PRKN: variants seen among roughly 807,000 people sequenced by gnomAD.
PRKN encodes the protein parkin RBR E3 ubiquitin protein ligase.
Under a neutral mutation model 59.5 loss-of-function variants are expected in PRKN, and 56 were observed. The ratio of observed to expected loss-of-function variants is 0.94; its 90% CI spans 0.76 to 1.18. The LOEUF (loss-of-function observed/expected upper bound fraction) is 1.18. Among genes scored for constraint, PRKN ranks in the 50% most tolerant of loss-of-function variants. The pLI is 0.00. For synonymous variants in PRKN, 250 were observed against 222.1 expected, an observed-to-expected ratio of 1.13 and a Z score of -1.12; for missense variants, 657 against 596.4, an observed-to-expected ratio of 1.10 and a Z score of -1.06.
chr6:161,808,886 G>T (rs916554065), intron 6 of PRKN, among the ~76,000 whole-genome samples: 6 of 152,152 alleles, frequency 3.9e-5, no homozygotes, highest in Non-Finnish European at 8.8e-5. Flanking sequence ...TGTTGCTGAG[G>T]CTGGAGCGCG....
chr6:161,743,529 A>G (rs1788286033), intron 7 of PRKN, among the ~76,000 whole-genome samples: 1 of 151,790 alleles, frequency 6.6e-6, no homozygotes, highest in African/African-American at 2.4e-5. Context: ...GATTACAGGC[A>G]CGAGCCACTG....
intron 2 of PRKN, among the ~76,000 whole-genome samples, chr6:162,373,421 T>A (rs1481296036): frequency 6.6e-6 from 1 of 152,184 alleles, no homozygotes; most frequent in African/African-American, 2.4e-5. Flanking sequence ...GACCTGTTAT[T>A]TGACATTTCT....
Position 162,367,547 on chromosome 6 carries a change from C to A in PRKN, c.171+75763G>T, listed in dbSNP as rs188528847. Among the ~76,000 whole-genome samples the A allele has an allele frequency of 7.5e-3, 1,140 of 152,172 alleles. 4 individuals are homozygous for A. Among genetic ancestry groups the A allele is most frequent in the Non-Finnish European group, 0.011 (767 of 68,000 alleles). ...TGAAAACCCATGCTCATAAAATCTCCAGGACCATCTCTGATTTCATTCACA... is the reference window on the plus strand; with the variant it reads ...TGAAAACCCATGCTCATAAAATCTCAAGGACCATCTCTGATTTCATTCACA... On this transcript the variant is annotated intron_variant, in intron 2 of 11. Coordinates refer to ENST00000366898, the MANE Select transcript of PRKN (RefSeq NM_004562.3).
intron 2 of PRKN, among the ~76,000 whole-genome samples, chr6:162,314,576 T>C (rs146795934): frequency 0.013 from 1,974 of 152,206 alleles, 19 homozygotes; most frequent in Non-Finnish European, 0.021. Context: ...CCCTAGGTTC[T>C]CTCAGGGAAC....
At chr6:161,929,154 A>T (rs747217028) in intron 6 of PRKN, among the ~76,000 whole-genome samples, 3 of 152,208 alleles carry the variant, frequency 2.0e-5, no homozygotes, top group African/African-American at 4.8e-5. Context: ...GTAATAAAGG[A>T]TTTCTATATA....
At chr6:161,389,502 C>T (rs189853579) in intron 9 of PRKN, among the ~76,000 whole-genome samples, 13 of 152,324 alleles carry the variant, frequency 8.5e-5, no homozygotes, top group African/African-American at 2.9e-4. Flanking sequence ...CGTCCTTACA[C>T]AAATCACCAA....
At chr6:162,569,476 C>A in intron 1 of PRKN, 1 of 688,092 alleles carries the variant, frequency 1.5e-6, no homozygotes, top group South Asian at 1.4e-5. Context: ...GTGAGGAGAG[C>A]CACCTGGAGT....
chr6:162,234,208 CAGAG>C (rs1034869272), intron 3 of PRKN, among the ~76,000 whole-genome samples: 1 of 152,102 alleles, frequency 6.6e-6, no homozygotes, highest in Non-Finnish European at 1.5e-5. Context: ...GTTTTGGACT[CAGAG>C]GGAGAATGCC....
intron 7 of PRKN, among the ~76,000 whole-genome samples, chr6:161,779,449 T>TTTTTTTTTTTTTTTTTTTTTG: frequency 1.0e-5 from 1 of 96,578 alleles, no homozygotes; most frequent in African/African-American, 3.9e-5. Flanking sequence ...TCTTTTTTTT[T>TTTTTTTTTTTTTTTTTTTTTG]TTTTTTTTTT....
At chr6:162,659,766 CATT>C (rs1778808365) in intron 1 of PRKN, among the ~76,000 whole-genome samples, 2 of 152,058 alleles carry the variant, frequency 1.3e-5, no homozygotes, top group African/African-American at 2.4e-5. Context: ...TAAAAAATTA[CATT>C]ATTATATTTT....
chr6:161,515,001 G>A (rs1027551098), intron 9 of PRKN, among the ~76,000 whole-genome samples: 2 of 151,234 alleles, frequency 1.3e-5, no homozygotes, highest in African/African-American at 4.9e-5. Flanking sequence ...TGGGCCAGGG[G>A]GAATATCTTC....
intron 7 of PRKN, among the ~76,000 whole-genome samples, chr6:161,723,268 C>CAA (rs922966591): frequency 1.8e-4 from 23 of 126,862 alleles, no homozygotes; most frequent in Middle Eastern, 3.6e-3. Flanking sequence ...GACTCCCTCT[C>CAA]AAAAAAAAAA....
At chr6:162,224,008 G>T (rs1033029710) in intron 3 of PRKN, among the ~76,000 whole-genome samples, 1 of 152,128 alleles carries the variant, frequency 6.6e-6, no homozygotes, top group Non-Finnish European at 1.5e-5. Context: ...AGTCACTCAA[G>T]CTCCTGGTTG....
intron 1 of PRKN, among the ~76,000 whole-genome samples, chr6:162,606,667 G>C (rs571897619): frequency 6.6e-6 from 1 of 152,276 alleles, no homozygotes; most frequent in South Asian, 2.1e-4. Context: ...ATATTGACAT[G>C]AGGAAGAGAG....
rs568548340 is a variant in PRKN, at chr6:162,192,016, C to T, written c.534+9115G>A. Among the ~76,000 whole-genome samples the T allele has an allele frequency of 1.6e-4, 25 of 152,242 alleles. No homozygotes were observed. The South Asian group carries it at 3.3e-3, about 20-fold the overall frequency. ...ACATGATACATACATGTAACTACAACGTAAAATGAAACAATAAGACATATG... is the reference window on the plus strand; with the variant it reads ...ACATGATACATACATGTAACTACAATGTAAAATGAAACAATAAGACATATG... On this transcript the variant is annotated intron_variant, in intron 4 of 11. Coordinates refer to ENST00000366898, the MANE Select transcript of PRKN (RefSeq NM_004562.3).
intron 6 of PRKN, among the ~76,000 whole-genome samples, chr6:161,818,124 T>G (rs910324259): frequency 1.6e-4 from 25 of 152,020 alleles, no homozygotes; most frequent in Admixed American, 5.2e-4. Flanking sequence ...CTAATTAGAT[T>G]GGGTAGGGGG....
intron 7 of PRKN, among the ~76,000 whole-genome samples, chr6:161,643,028 T>A (rs1227390230): frequency 6.6e-6 from 1 of 152,218 alleles, no homozygotes; most frequent in Non-Finnish European, 1.5e-5. Context: ...ACAGTAACAA[T>A]GCAATCTGAA....
intron 6 of PRKN, among the ~76,000 whole-genome samples, chr6:161,902,524 GTCTATCTA>G (rs557665439): frequency 1.5e-5 from 2 of 133,064 alleles, no homozygotes; most frequent in South Asian, 2.5e-4. Flanking sequence ...ATAGACATCC[GTCTATCTA>G]TCTATCTATC....
intron 2 of PRKN, among the ~76,000 whole-genome samples, chr6:162,270,526 T>C (rs547275000): frequency 7.2e-5 from 11 of 152,284 alleles, no homozygotes; most frequent in African/African-American, 2.6e-4. Flanking sequence ...ATCATTTCAG[T>C]GGAAGGCTGT....
Sources: gnomAD v4.1 joint callset for allele counts (sites outside exome capture counted in the v4.1 genomes callset) on GRCh38, gnomAD v4.1.1 for gene constraint, MANE v1.5 for transcripts, NCBI Gene and HGNC (gene_info 2026-07-23, HGNC 2026-07-21) for gene names.